The following GUCY2F variants were observed in gnomAD, a reference collection of about 807,000 sequenced individuals.
GUCY2F encodes retinal guanylyl cyclase 2.
Under a neutral mutation model 73.1 loss-of-function variants are expected in GUCY2F, and 61 were observed. The observed-to-expected ratio is 0.83, with a 90% CI of 0.68 to 1.03. The LOEUF (loss-of-function observed/expected upper bound fraction) is 1.03. Among genes scored for constraint, GUCY2F ranks in the 50% least tolerant of loss-of-function variants. GUCY2F has a pLI of 0.00. For missense variants in GUCY2F, 912 were observed against 854.3 expected (o/e 1.07, Z -0.84); for synonymous variants, 331 against 307.8 (o/e 1.08, Z -0.79).
At chrX:109,457,872 G>A (rs1375790116) in intron 3 of GUCY2F, among the ~76,000 whole-genome samples, 3 of 112,260 alleles carry the variant, frequency 2.7e-5, no homozygotes, top group Non-Finnish European at 5.6e-5. Context: ...ATGTGTTCCA[G>A]CCATATACAT....
chrX:109,439,267 T>C (rs748493949), intron 7 of GUCY2F, among the ~76,000 whole-genome samples: 45 of 111,582 alleles, frequency 4.0e-4, no homozygotes, highest in African/African-American at 1.4e-3. Flanking sequence ...GTCCTGGGCC[T>C]CTACTTTGAA....
chrX:109,452,007 A>G lies in GUCY2F; in HGVS notation c.1472+16T>C, dbSNP rs776430404. On this transcript the variant is annotated intron_variant, in intron 5 of 19. Transcript: ENST00000218006. ...GGGCTTGTATTTTTTATATACAAAAATAACAAAAAATGTACCTTATAAAGT... is the reference window on the plus strand; with the variant it reads ...GGGCTTGTATTTTTTATATACAAAAGTAACAAAAAATGTACCTTATAAAGT... 8.4e-6 allele frequency: 7 copies of G among 829,562 alleles called. No homozygotes were observed. The highest frequency in any genetic ancestry group is 2.8e-4 in the Middle Eastern group (1 of 3,590). The allele number at this position is 829,562 out of a possible 1,213,427, so 68.4% of individuals were successfully genotyped here.
chrX:109,420,234 G>A (rs1456911952), intron 8 of GUCY2F, among the ~76,000 whole-genome samples: 3 of 75,616 alleles, frequency 4.0e-5, no homozygotes, highest in Admixed American at 1.6e-4. Context: ...AAAAAAAAAA[G>A]AAGAAGAAGA....
At chrX:109,473,349 G>A (rs188594964) in intron 2 of GUCY2F, among the ~76,000 whole-genome samples, 116 of 111,653 alleles carry the variant, frequency 1.0e-3, no homozygotes, top group African/African-American at 3.7e-3. Context: ...CTGACTAAGC[G>A]AAGTCATATT....
At position 109,448,640 on chromosome X, in the gene GUCY2F, G is replaced by T. The variant is rs188813019; in HGVS notation, c.1473-475C>A. Among the ~76,000 whole-genome samples, 362 of 112,486 alleles carry T rather than the reference G, an allele frequency of 3.2e-3. 5 individuals carry two copies. Among genetic ancestry groups the T allele is most frequent in the African/African-American group, 0.011 (336 of 30,983 alleles). On this transcript the variant is annotated intron_variant, in intron 5 of 19. Coordinates refer to ENST00000218006, the MANE Select transcript of GUCY2F (RefSeq NM_001522.3). ...AACAAAATTGAGCAAATTGGCATGAGATCTCCTAGCCTGAGGCAGAGCTGG... is the reference window on the plus strand; with the variant it reads ...AACAAAATTGAGCAAATTGGCATGATATCTCCTAGCCTGAGGCAGAGCTGG...
chrX:109,431,907 A>G (rs1165049839), intron 7 of GUCY2F, among the ~76,000 whole-genome samples: 1 of 91,251 alleles, frequency 1.1e-5, no homozygotes, highest in Non-Finnish European at 2.1e-5. Flanking sequence ...CAGCAGCTGG[A>G]AAAAAAAAAA....
At position 109,465,197 on chromosome X, in the gene GUCY2F, G is replaced by C. The variant is rs773631270; in HGVS notation, c.977C>G (p.Ala326Gly). The C allele has an allele frequency of 8.3e-7, 1 of 1,209,822 alleles. No individual in the cohort carries two copies. The highest frequency in any genetic ancestry group is 1.1e-6 in the Non-Finnish European group (1 of 893,708). The change falls in exon 3 of 20, where the codon GCC becomes GGC. Residue 326 changes from alanine (A) to glycine (G), a missense_variant. Physicochemically the swap from Ala to Gly is moderately conservative, Grantham distance 60. Coordinates refer to ENST00000218006, the MANE Select transcript of GUCY2F (RefSeq NM_001522.3). ...ACCTCTTGCTGCTGCCTCTGTGAAG[G>C]CTTGATAGAAGGTCTTTTCTTGGGA... ...VESQEKTFYQAFTEAAARGEI... is the reference protein window; with the variant it reads ...VESQEKTFYQGFTEAAARGEI...
intron 2 of GUCY2F, among the ~76,000 whole-genome samples, chrX:109,470,651 G>A (rs1407406682): frequency 9.0e-6 from 1 of 111,331 alleles, no homozygotes; most frequent in African/African-American, 3.3e-5. Context: ...ACCAGCAGCA[G>A]CAGTGTCACC....
At chrX:109,480,594 A>AT (rs1416241683) in intron 1 of GUCY2F, among the ~76,000 whole-genome samples, 3 of 111,455 alleles carry the variant, frequency 2.7e-5, no homozygotes, top group African/African-American at 9.8e-5. Context: ...AAAAAGTTAG[A>AT]TTTTTTATAC....
intron 17 of GUCY2F, among the ~76,000 whole-genome samples, chrX:109,376,816 A>C (rs1389268382): frequency 9.0e-6 from 1 of 111,681 alleles, no homozygotes; most frequent in Admixed American, 9.4e-5. Flanking sequence ...CAGAGGAGTC[A>C]AATTTTCTGC....
rs1478557456 is a variant in GUCY2F, at chrX:109,453,578, A to T, written c.1314T>A (p.Ile438=). ...MELLRFGGTP[I]HFPGGRPPRA... is the part of the protein sequence containing the mutation. ...TAGGGGGCCTGCCACCAGGGAAGTG[A>T]ATAGGGGTCCCTCCGAAACGTAGCA... Residue 438 remains isoleucine (I), a synonymous_variant, in exon 4 of 20, where the codon ATT becomes ATA. Coordinates refer to ENST00000218006, the MANE Select transcript of GUCY2F (RefSeq NM_001522.3). The T allele has an allele frequency of 1.7e-6, 2 of 1,208,132 alleles. No homozygotes were observed. Among genetic ancestry groups the T allele is most frequent in the Non-Finnish European group, 2.2e-6 (2 of 893,666 alleles).
intron 2 of GUCY2F, among the ~76,000 whole-genome samples, chrX:109,473,814 G>T (rs1223030101): frequency 1.8e-5 from 2 of 112,031 alleles, no homozygotes; most frequent in African/African-American, 3.2e-5. Flanking sequence ...ATATAAACTT[G>T]CAGGAGACAT....
intron 10 of GUCY2F, 117 bp from the exon 11 acceptor site, chrX:109,398,815 A>C (rs1930772319): frequency 6.5e-6 from 4 of 619,897 alleles, no homozygotes; most frequent in Non-Finnish European, 9.8e-6. Flanking sequence ...TATTAGACAG[A>C]CTGCCATGCT....
In GUCY2F at chrX:109,475,296, A is replaced by C. The variant is rs1238404751; in HGVS notation, c.641T>G (p.Leu214Ter). 1.7e-6 allele frequency: 2 copies of C among 1,210,691 alleles called. No individual in the cohort carries two copies. The highest frequency in any genetic ancestry group is 5.9e-5 in the East Asian group (2 of 33,814). ...TGTGGTCAGGACGACCCCTACAGGTAAGCCGTGGCTCCGAAGAGCACTTGC... is the reference window on the plus strand; with the variant it reads ...TGTGGTCAGGACGACCCCTACAGGTCAGCCGTGGCTCCGAAGAGCACTTGC... ...RVASALRSHG[L>*]PVGVVLTTGQ... is the part of the protein sequence containing the mutation. Residue 214 changes from leucine to a stop codon, truncating the protein, a stop_gained, in exon 2 of 20, where the codon TTA (leucine) becomes TGA (stop). Coordinates refer to ENST00000218006, the MANE Select transcript of GUCY2F (RefSeq NM_001522.3). LOFTEE classifies it high-confidence loss of function.
chrX:109,448,821 GCTGA>G (rs1473562197), intron 5 of GUCY2F, among the ~76,000 whole-genome samples: 3 of 112,131 alleles, frequency 2.7e-5, no homozygotes, highest in Middle Eastern at 4.2e-3. Flanking sequence ...AAACAAGTAG[GCTGA>G]CTGAGTTTTT....
At chrX:109,442,623 T>G (rs1040924404) in intron 6 of GUCY2F, among the ~76,000 whole-genome samples, 1 of 111,713 alleles carries the variant, frequency 9.0e-6, no homozygotes, top group Non-Finnish European at 1.9e-5. Context: ...AACTAAAGAT[T>G]ACACCTGAGT....
intron 1 of GUCY2F, 127 bp downstream of exon 1, chrX:109,481,739 T>TC (rs1932766506): frequency 9.2e-6 from 1 of 109,199 alleles, no homozygotes; most frequent in Non-Finnish European, 1.9e-5. Flanking sequence ...TTCTTTAAAT[T>TC]TTTTTTTTTA....
At chrX:109,387,228 G>C (rs1930458365) in intron 15 of GUCY2F, among the ~76,000 whole-genome samples, 2 of 112,070 alleles carry the variant, frequency 1.8e-5, no homozygotes, top group Admixed American at 9.4e-5. Flanking sequence ...AAAAGGTAAA[G>C]AGTGTTCAAG....
intron 2 of GUCY2F, among the ~76,000 whole-genome samples, chrX:109,470,126 A>T (rs1156924792): frequency 3.6e-5 from 4 of 111,815 alleles, no homozygotes; most frequent in Non-Finnish European, 7.5e-5. Context: ...TTGCCTTAAC[A>T]TTGCTGCCCA....
Sources: allele counts gnomAD v4.1 joint callset (sites outside exome capture counted in the v4.1 genomes callset), GRCh38; gene constraint gnomAD v4.1.1; transcripts MANE v1.5; gene names NCBI Gene and HGNC (gene_info 2026-07-23, HGNC 2026-07-21).